The following IMMP2L variants were observed in gnomAD, a reference collection of about 807,000 sequenced individuals.
IMMP2L encodes the protein inner mitochondrial membrane peptidase subunit 2.
In IMMP2L, 18 loss-of-function variants were observed where a neutral mutation model predicts 19.3. That is an observed-to-expected ratio of 0.93 (90% confidence interval 0.64 to 1.38). The LOEUF (loss-of-function observed/expected upper bound fraction) is 1.38. Ranked by LOEUF, IMMP2L falls within the 40% of genes most tolerant of loss-of-function variation. The pLI is 0.00. For synonymous variants in IMMP2L, 76 were observed against 73.0 expected (o/e 1.04, Z -0.21); for missense variants, 233 against 218.2 (o/e 1.07, Z -0.43).
At chr7:111,010,376 A>T (rs1455045300) in intron 3 of IMMP2L, among the ~76,000 whole-genome samples, 1 of 152,136 alleles carries the variant, frequency 6.6e-6, no homozygotes, top group Non-Finnish European at 1.5e-5. Flanking sequence ...GATAGATCTT[A>T]ACATCATGTT....
intron 5 of IMMP2L, among the ~76,000 whole-genome samples, chr7:110,706,552 C>T (rs1182272894): frequency 2.0e-5 from 3 of 152,172 alleles, no homozygotes; most frequent in Admixed American, 1.3e-4. Context: ...ACCATTTTGA[C>T]TGGTGTGAGA....
chr7:110,818,556 C>T (rs970428773), intron 5 of IMMP2L, among the ~76,000 whole-genome samples: 66 of 152,050 alleles, frequency 4.3e-4, no homozygotes, highest in Admixed American at 8.5e-4. Flanking sequence ...GTTGGTGTGG[C>T]GATTCCTCAG....
chr7:110,939,201 C>A (rs1816441163), intron 4 of IMMP2L, among the ~76,000 whole-genome samples: 1 of 152,186 alleles, frequency 6.6e-6, no homozygotes, highest in Middle Eastern at 3.4e-3. Context: ...TTTAACTGGT[C>A]TGAAATGGGA....
At chr7:110,721,789 G>A (rs948736386) in intron 5 of IMMP2L, among the ~76,000 whole-genome samples, 11 of 152,050 alleles carry the variant, frequency 7.2e-5, no homozygotes, top group African/African-American at 1.4e-4. Context: ...TGTGCTTACC[G>A]GAAGGGACTG....
intron 3 of IMMP2L, among the ~76,000 whole-genome samples, chr7:111,414,365 T>G (rs1834758247): frequency 6.6e-6 from 1 of 151,744 alleles, no homozygotes; most frequent in Non-Finnish European, 1.5e-5. Context: ...TATAAAGCCA[T>G]GGAAAGACAT....
At chr7:111,179,214 A>T (rs1344130132) in intron 3 of IMMP2L, among the ~76,000 whole-genome samples, 1 of 152,018 alleles carries the variant, frequency 6.6e-6, no homozygotes, top group Non-Finnish European at 1.5e-5. Context: ...AAAAAATTTT[A>T]TCTGAGAAGT....
chr7:110,790,680 C>T (rs1528033), intron 5 of IMMP2L, among the ~76,000 whole-genome samples: 121,893 of 151,430 alleles, frequency 0.8, 50,090 homozygotes, highest in East Asian at 0.9. Flanking sequence ...GGGGCCACTT[C>T]GGAGTAGGTT....
intron 3 of IMMP2L, among the ~76,000 whole-genome samples, chr7:111,318,884 G>C (rs753045765): frequency 6.6e-6 from 1 of 151,852 alleles, no homozygotes; most frequent in Non-Finnish European, 1.5e-5. Context: ...ATCATGATTC[G>C]ACCATTAGCC....
At chr7:111,467,170 A>G (rs921989044) in intron 3 of IMMP2L, among the ~76,000 whole-genome samples, 6 of 152,152 alleles carry the variant, frequency 3.9e-5, no homozygotes, top group Admixed American at 3.3e-4. Flanking sequence ...TCCTCACCCC[A>G]GCACCTACTG....
intron 3 of IMMP2L, among the ~76,000 whole-genome samples, chr7:111,104,781 A>G (rs982613005): frequency 6.6e-6 from 1 of 151,872 alleles, no homozygotes; most frequent in African/African-American, 2.4e-5. Flanking sequence ...CAAATTAAAA[A>G]TATGCATAGA....
chr7:111,546,481 C>G (rs2133037307), intron 1 of IMMP2L, among the ~76,000 whole-genome samples: 1 of 152,192 alleles, frequency 6.6e-6, no homozygotes. Context: ...GTCTTCTTCC[C>G]ATTGAGTTGT....
intron 3 of IMMP2L, among the ~76,000 whole-genome samples, chr7:111,221,287 T>C (rs1400283427): frequency 2.6e-5 from 4 of 152,082 alleles, no homozygotes; most frequent in African/African-American, 7.2e-5. Context: ...GCTCTAGAGA[T>C]AATAGTCAAT....
chr7:110,886,785 A>G (rs1255252408), intron 4 of IMMP2L, 90 bp from the exon 5 acceptor site: 4 of 631,452 alleles, frequency 6.3e-6, no homozygotes, highest in South Asian at 2.1e-5. Flanking sequence ...AAAATATTAT[A>G]TAGATGTTAC....
rs1377191059 is a variant in IMMP2L, at chr7:110,662,748, G to T, written c.*854C>A. 6.6e-6 allele frequency among the ~76,000 whole-genome samples: 1 copy of T among 152,208 alleles called. No individual in the cohort carries two copies. The highest frequency in any genetic ancestry group is 1.5e-5 in the Non-Finnish European group (1 of 68,040). ...TCAGTATTACAGACGTGAATACTGA[G>T]AAATAATTAGGGGAAGAAAATCAAA... On this transcript the variant is annotated 3_prime_UTR_variant, in exon 6 of 6. Transcript: ENST00000405709.
chr7:110,729,253 CTAAT>C lies in IMMP2L; in HGVS notation c.409-65536_409-65533del, dbSNP rs1417057963. Among the ~76,000 whole-genome samples the C allele has an allele frequency of 2.0e-5, 3 of 152,244 alleles. No homozygotes were observed. In the East Asian group the frequency reaches 5.8e-4, roughly 29 times the overall value. ...GGGTAATTTATAAAATAAAAGAAGT[CTAAT>C]TGACTCACAGTTCTGCATGGCTGGG... is the stretch of plus-strand genomic sequence containing the variant. On this transcript the variant is annotated intron_variant, in intron 5 of 5. Transcript: ENST00000405709.
intron 5 of IMMP2L, among the ~76,000 whole-genome samples, chr7:110,730,360 T>C (rs893480886): frequency 6.6e-6 from 1 of 152,096 alleles, no homozygotes; most frequent in Non-Finnish European, 1.5e-5. Flanking sequence ...TGGTGGATGT[T>C]TCCTGCCCTC....
chr7:111,295,042 T>C (rs1821480556), intron 3 of IMMP2L, among the ~76,000 whole-genome samples: 3 of 151,868 alleles, frequency 2.0e-5, no homozygotes, highest in African/African-American at 7.2e-5. Context: ...TCTGATAATA[T>C]GTGAAGTTTC....
intron 3 of IMMP2L, among the ~76,000 whole-genome samples, chr7:111,433,143 C>T (rs1836806349): frequency 6.6e-6 from 1 of 151,632 alleles, no homozygotes; most frequent in Admixed American, 6.6e-5. Flanking sequence ...ACAATCATGG[C>T]AGAAGACACC....
chr7:111,514,412 T>C (rs967934861), intron 2 of IMMP2L, among the ~76,000 whole-genome samples: 4 of 152,056 alleles, frequency 2.6e-5, no homozygotes, highest in African/African-American at 7.2e-5. Context: ...GAGATATACC[T>C]AATGTAAATG....
Sources: gnomAD v4.1 joint callset for allele counts (sites outside exome capture counted in the v4.1 genomes callset) on GRCh38, gnomAD v4.1.1 for gene constraint, MANE v1.5 for transcripts, NCBI Gene and HGNC (gene_info 2026-07-23, HGNC 2026-07-21) for gene names.